CNNM2: variants seen among roughly 807,000 people sequenced by gnomAD.
CNNM2 encodes metal transporter CNNM2.
A neutral mutation model predicts 66.9 loss-of-function variants in CNNM2; 12 were observed. The observed-to-expected ratio is 0.18, with a 90% CI of 0.11 to 0.29. The LOEUF is 0.29. CNNM2 is among the 10% of genes least tolerant of loss of function. The probability of loss-of-function intolerance (pLI) is 1.00; values close to 1 mark genes in which losing one functional copy is unlikely to be tolerated. For synonymous variants in CNNM2, 557 were observed against 501.8 expected, an observed-to-expected ratio of 1.11 and a Z score of -1.47; for missense variants, 705 against 1,167.7, an observed-to-expected ratio of 0.60 and a Z score of 5.77.
In CNNM2 at chr10:103,054,499, A is replaced by G; in HGVS notation, c.1903+33A>G. 1 of 1,607,724 alleles carries G rather than the reference A, an allele frequency of 6.2e-7. No individual in the cohort carries two copies. Among genetic ancestry groups the G allele is most frequent in the Non-Finnish European group, 8.5e-7 (1 of 1,175,784 alleles). ...CAGCTTATCACAGTTTGAGATCTCT[A>G]CCAACCCTGAAGCGTGTTTCTCACC... is the stretch of plus-strand genomic sequence containing the variant. On this transcript the variant is annotated intron_variant, in intron 3 of 7. Coordinates refer to ENST00000369878, the MANE Select transcript of CNNM2 (RefSeq NM_017649.5). The surrounding 1 kb of genome is among the most constrained non-coding windows in gnomAD (Gnocchi z 5.2).
chr10:102,980,192 C>G (rs1025963034), intron 1 of CNNM2, among the ~76,000 whole-genome samples: 3 of 152,194 alleles, frequency 2.0e-5, no homozygotes, highest in Non-Finnish European at 4.4e-5. Flanking sequence ...ATCTGCCCAC[C>G]TCGGCCTCCC....
In CNNM2 at chr10:102,918,731, A is replaced by G; in HGVS notation, c.251A>G (p.Asp84Gly). 6.3e-7 allele frequency: 1 copy of G among 1,579,456 alleles called. No homozygotes were observed. The highest frequency in any genetic ancestry group is 8.6e-7 in the Non-Finnish European group (1 of 1,163,612). The change falls in exon 1 of 8, where the codon GAC (aspartate) becomes GGC (glycine). Residue 84 changes from aspartate to glycine, a missense_variant. Coordinates refer to ENST00000369878, the MANE Select transcript of CNNM2 (RefSeq NM_017649.5). This position sits in a 1 kb window ranked among gnomAD's most constrained non-coding sequence, Gnocchi z 4.1. ...IIGLRLEDTN[D>G]VSFMEGGALR... ...GGGCTGCGACTGGAGGACACGAACG[A>G]CGTGTCGTTCATGGAAGGGGGGGCG...
At chr10:102,988,898 C>T (rs1257940376) in intron 1 of CNNM2, among the ~76,000 whole-genome samples, 2 of 152,116 alleles carry the variant, frequency 1.3e-5, no homozygotes, top group Admixed American at 1.3e-4. Context: ...CTCTAGAAGT[C>T]ACCTGTGAAT....
intron 1 of CNNM2, among the ~76,000 whole-genome samples, chr10:102,962,681 T>C (rs1403940038): frequency 7.0e-6 from 1 of 142,816 alleles, no homozygotes; most frequent in Non-Finnish European, 1.5e-5. Context: ...ATTCTCACAA[T>C]ATGATATACT....
At chr10:103,049,889 G>C (rs766002674) in intron 2 of CNNM2, 39 bp downstream of exon 2, 1 of 1,600,842 alleles carries the variant, frequency 6.2e-7, no homozygotes, top group Non-Finnish European at 8.5e-7. Flanking sequence ...CGAAACCTTT[G>C]CTTTTTTTGT....
chr10:102,960,732 G>T (rs987878626), intron 1 of CNNM2, among the ~76,000 whole-genome samples: 1 of 148,790 alleles, frequency 6.7e-6, no homozygotes, highest in Admixed American at 6.7e-5. Flanking sequence ...CTATCCTCCC[G>T]CCTCAGCCTC....
chr10:103,007,046 G>A (rs934360373), intron 1 of CNNM2, among the ~76,000 whole-genome samples: 13 of 152,088 alleles, frequency 8.5e-5, no homozygotes, highest in South Asian at 2.1e-4. Context: ...CCTAAGTGTC[G>A]GCTGATCTGA....
At chr10:103,074,068 A>C (rs1311208693) in intron 6 of CNNM2, among the ~76,000 whole-genome samples, 1 of 151,712 alleles carries the variant, frequency 6.6e-6, no homozygotes, top group Non-Finnish European at 1.5e-5. Context: ...CAGGTGGATC[A>C]CCTGAGGTCA....
intron 1 of CNNM2, among the ~76,000 whole-genome samples, chr10:102,959,550 T>A (rs1324503287): frequency 6.6e-6 from 1 of 152,184 alleles, no homozygotes; most frequent in Non-Finnish European, 1.5e-5. Context: ...TACTTTAGCT[T>A]ATCTGTAAGC....
chr10:103,028,749 T>G (rs2064756642), intron 1 of CNNM2, among the ~76,000 whole-genome samples: 1 of 151,982 alleles, frequency 6.6e-6, no homozygotes, highest in Non-Finnish European at 1.5e-5. Context: ...CTTGCAGAGA[T>G]AATACCATTT....
chr10:103,020,301 A>G (rs1219296608), intron 1 of CNNM2, among the ~76,000 whole-genome samples: 1 of 151,862 alleles, frequency 6.6e-6, no homozygotes, highest in South Asian at 2.1e-4. Flanking sequence ...GATTACAGAC[A>G]CCCACCACCA....
At chr10:102,997,700 G>T (rs889935558) in intron 1 of CNNM2, among the ~76,000 whole-genome samples, 4 of 152,068 alleles carry the variant, frequency 2.6e-5, no homozygotes, top group Non-Finnish European at 5.9e-5. Flanking sequence ...CCATTATAAG[G>T]TCCCATATGA....
At chr10:103,072,106 T>C (rs1046121529) in intron 6 of CNNM2, among the ~76,000 whole-genome samples, 3 of 151,996 alleles carry the variant, frequency 2.0e-5, no homozygotes, top group African/African-American at 7.2e-5. Flanking sequence ...TGGTGTGGAT[T>C]GTTAGCGCTC....
intron 1 of CNNM2, among the ~76,000 whole-genome samples, chr10:102,972,705 A>C (rs758854738): frequency 2.0e-5 from 3 of 152,168 alleles, no homozygotes; most frequent in Non-Finnish European, 4.4e-5. Context: ...AACAGATTTC[A>C]TTGCCTCTTT....
At chr10:102,987,381 C>T (rs746000588) in intron 1 of CNNM2, among the ~76,000 whole-genome samples, 2 of 152,020 alleles carry the variant, frequency 1.3e-5, no homozygotes, top group South Asian at 2.1e-4. Context: ...AGTGCAGTGG[C>T]GTGATCTCGG....
In CNNM2 at chr10:103,083,906, C is replaced by T. The variant is rs2065779642; in HGVS notation, c.*6726C>T. The T allele has an allele frequency of 6.6e-6, 1 of 152,246 alleles. No individual in the cohort carries two copies. Among genetic ancestry groups the T allele is most frequent in the Non-Finnish European group, 1.5e-5 (1 of 68,070 alleles). The allele number at this position is 152,246 out of a possible 1,614,324, so 9.4% of individuals were successfully genotyped here. On this transcript the variant is annotated 3_prime_UTR_variant, in exon 8 of 8. Coordinates refer to ENST00000369878, the MANE Select transcript of CNNM2 (RefSeq NM_017649.5). Reference sequence around the variant, plus strand: ...AGGTCGGAGCAGGCATGGATAGTCACTTTCAAGTGGAAAACATCCGGCCTG... The same window carrying T: ...AGGTCGGAGCAGGCATGGATAGTCATTTTCAAGTGGAAAACATCCGGCCTG...
chr10:102,919,131 C>G lies in CNNM2; in HGVS notation c.651C>G (p.Gly217=), dbSNP rs766418913. ...STGGAVGGKG[G]SGVAGLPPPP... ...GTGGCGCCGTCGGGGGCAAGGGTGG[C>G]TCGGGGGTGGCCGGGCTCCCGCCGC... The change falls in exon 1 of 8, where the codon GGC becomes GGG. Residue 217 remains glycine, a synonymous_variant. Transcript: ENST00000369878. The G allele has an allele frequency of 1.9e-6, 3 of 1,610,702 alleles. No homozygotes were observed. The highest frequency in any genetic ancestry group is 3.3e-5 in the Admixed American group (2 of 59,946).
chr10:103,027,140 G>A (rs2064723574), intron 1 of CNNM2, among the ~76,000 whole-genome samples: 1 of 152,098 alleles, frequency 6.6e-6, no homozygotes, highest in Non-Finnish European at 1.5e-5. Flanking sequence ...GTCTTTCTCT[G>A]CTCTGTGCCA....
intron 1 of CNNM2, among the ~76,000 whole-genome samples, chr10:103,037,186 T>A (rs982943402): frequency 1.3e-5 from 2 of 151,102 alleles, no homozygotes; most frequent in African/African-American, 4.8e-5. Context: ...TTGATCTTTT[T>A]AATCATATTA....
Sources: gnomAD v4.1 joint callset for allele counts (sites outside exome capture counted in the v4.1 genomes callset) on GRCh38, gnomAD v4.1.1 for gene constraint, Gnocchi (gnomAD v3.1) non-coding constraint, MANE v1.5 for transcripts, NCBI Gene and HGNC (gene_info 2026-07-23, HGNC 2026-07-21) for gene names.